Variants in FOCAD observed in about 807,000 individuals in gnomAD.
FOCAD encodes the protein KIAA1797.
Under a neutral mutation model 225.6 loss-of-function variants are expected in FOCAD, and 198 were observed. That is an observed-to-expected ratio of 0.88 (90% confidence interval 0.78 to 0.99). FOCAD has a LOEUF of 0.99. Ranked by LOEUF, FOCAD falls within the 50% of genes least tolerant of loss-of-function variation. FOCAD has a pLI of 0.00. For synonymous variants in FOCAD, 897 were observed against 755.0 expected (o/e 1.19, Z -3.08); for missense variants, 2,713 against 2,123.6 (o/e 1.28, Z -5.46).
chr9:20,925,170 GA>G (rs2132157315), intron 25 of FOCAD, among the ~76,000 whole-genome samples: 1 of 152,280 alleles, frequency 6.6e-6, no homozygotes, highest in Admixed American at 6.5e-5. Flanking sequence ...TTACCGATAA[GA>G]AAGATGGAAA....
chr9:20,916,891 A>G lies in FOCAD; in HGVS notation c.2808-2A>G. The G allele has an allele frequency of 1.9e-6, 3 of 1,601,414 alleles. No individual in the cohort carries two copies. Among genetic ancestry groups the G allele is most frequent in the Non-Finnish European group, 2.6e-6 (3 of 1,175,890 alleles). ...CTCGTCTATTTTCCATCTTTATTGC[A>G]GGGTTAGAGACATGCTGACTGATGA... On this transcript the variant is annotated splice_acceptor_variant, in intron 23 of 43. Transcript: ENST00000338382. LOFTEE classifies it high-confidence loss of function.
intron 28 of FOCAD, among the ~76,000 whole-genome samples, chr9:20,933,537 T>G (rs1835680111): frequency 6.6e-6 from 1 of 152,202 alleles, no homozygotes; most frequent in Non-Finnish European, 1.5e-5. Context: ...TTCATTCCTT[T>G]TTATGGCTGA....
chr9:20,910,307 G>T (rs937790815), intron 22 of FOCAD, among the ~76,000 whole-genome samples: 1 of 140,288 alleles, frequency 7.1e-6, no homozygotes, highest in Non-Finnish European at 1.6e-5. Context: ...TTTGAAAAGG[G>T]CTCTTTGGAA....
intron 16 of FOCAD, among the ~76,000 whole-genome samples, chr9:20,864,120 G>A (rs1047809606): frequency 3.3e-5 from 5 of 152,022 alleles, no homozygotes; most frequent in Non-Finnish European, 5.9e-5. Flanking sequence ...AATGTAGAAG[G>A]GAGAGACCCT....
intron 35 of FOCAD, 101 bp from the exon 36 acceptor site, chr9:20,976,319 C>G: frequency 9.0e-7 from 1 of 1,115,194 alleles, no homozygotes; most frequent in Non-Finnish European, 1.3e-6. Flanking sequence ...TATGTGATAT[C>G]AGATCCTTTG....
intron 2 of FOCAD, chr9:20,716,309 A>C: frequency 4.5e-6 from 1 of 224,558 alleles, no homozygotes; most frequent in Admixed American, 4.2e-5. Flanking sequence ...AGAAATGCCC[A>C]TACGTGTTAC....
At chr9:20,782,002 C>A in intron 10 of FOCAD, 73 bp downstream of exon 10, 1 of 1,309,566 alleles carries the variant, frequency 7.6e-7, no homozygotes, top group Non-Finnish European at 1.1e-6. Flanking sequence ...ATAATCTTGC[C>A]TCCTGATGAA....
At chr9:20,789,873 T>G (rs1025054786) in intron 11 of FOCAD, among the ~76,000 whole-genome samples, 2 of 152,138 alleles carry the variant, frequency 1.3e-5, no homozygotes, top group Non-Finnish European at 2.9e-5. Context: ...TTCTTCCAAT[T>G]TTTTGGTGGA....
At chr9:20,798,358 T>C (rs1821374379) in intron 11 of FOCAD, among the ~76,000 whole-genome samples, 1 of 152,204 alleles carries the variant, frequency 6.6e-6, no homozygotes, top group Admixed American at 6.5e-5. Flanking sequence ...GATGCTGGCC[T>C]CATAAAATGA....
intron 1 of FOCAD, chr9:20,694,531 A>G (rs958990901): frequency 5.3e-5 from 8 of 152,170 alleles, no homozygotes; most frequent in Admixed American, 2.6e-4. Flanking sequence ...CCATCAAGGA[A>G]ATTTCCATCC....
intron 1 of FOCAD, among the ~76,000 whole-genome samples, chr9:20,695,711 A>G (rs1440542078): frequency 6.6e-6 from 1 of 152,210 alleles, no homozygotes; most frequent in Admixed American, 6.5e-5. Context: ...TACTGGTTTC[A>G]GTTTATAATA....
chr9:20,710,606 A>G, intron 1 of FOCAD, among the ~76,000 whole-genome samples: 1 of 152,142 alleles, frequency 6.6e-6, no homozygotes, highest in African/African-American at 2.4e-5. Context: ...CAAAAAAAAA[A>G]AATAATAATA....
intron 25 of FOCAD, among the ~76,000 whole-genome samples, chr9:20,924,404 A>G (rs565154175): frequency 1.3e-5 from 2 of 152,282 alleles, no homozygotes; most frequent in East Asian, 1.9e-4. Flanking sequence ...TATTACTTCC[A>G]CTTACTACCT....
At position 20,929,484 on chromosome 9, in the gene FOCAD, C is replaced by G; in HGVS notation, c.3205C>G (p.Leu1069Val). Residue 1069 changes from leucine to valine, a missense_variant, in exon 27 of 44, where the codon CTG becomes GTG. Leu to Val is a conservative substitution (Grantham distance 32). Transcript: ENST00000338382. ...KEKVEEILNM[L>V]TARLPGKPSA... ...GAAGGTTGAGGAAATCCTGAACATG[C>G]TGACTGCCAGGTTACCTGGGAAACC... The G allele has an allele frequency of 3.1e-6, 5 of 1,614,118 alleles. No individual in the cohort carries two copies. Among genetic ancestry groups the G allele is most frequent in the Non-Finnish European group, 4.2e-6 (5 of 1,180,008 alleles).
chr9:20,684,498 C>T (rs1587211730), intron 1 of FOCAD: 2 of 152,982 alleles, frequency 1.3e-5, no homozygotes, highest in East Asian at 3.8e-4. Flanking sequence ...TTTTTGCCCT[C>T]GTCCGGTCCT....
At chr9:20,942,374 T>C (rs1025123399) in intron 28 of FOCAD, among the ~76,000 whole-genome samples, 2 of 152,208 alleles carry the variant, frequency 1.3e-5, no homozygotes, top group African/African-American at 4.8e-5. Flanking sequence ...AAGCAAGACT[T>C]ACATACTTCC....
chr9:20,948,375 C>G lies in FOCAD; in HGVS notation c.3780C>G (p.Ile1260Met), dbSNP rs184087722. The G allele has an allele frequency of 3.7e-6, 6 of 1,612,072 alleles. No homozygotes were observed. The Admixed American group carries it at 5.0e-5, about 13-fold the overall frequency. ...DLGSKLLPAW[I>M]RIVLTEGTPT... The stretch of plus-strand genomic sequence containing the variant: ...GCAGCAAACTACTCCCTGCCTGGAT[C>G]AGAATTGTTCTAACAGAGGTAGAGG... Residue 1260 changes from isoleucine (I) to methionine (M), a missense_variant, in exon 31 of 44, where the codon ATC (isoleucine) becomes ATG (methionine). Ile to Met is a conservative substitution (Grantham distance 10). Coordinates refer to ENST00000338382, the MANE Select transcript of FOCAD (RefSeq NM_001375567.1).
Position 20,944,714 on chromosome 9 carries a change from G to T in FOCAD, c.3495G>T (p.Leu1165Phe). The change falls in exon 29 of 44, where the codon TTG (leucine) becomes TTT (phenylalanine). Residue 1165 changes from leucine (L) to phenylalanine (F), a missense_variant. Transcript: ENST00000338382. Reference protein sequence around the residue: ...QMQSRVHVAALLRKLSAHVDD... With the variant: ...QMQSRVHVAAFLRKLSAHVDD... ...AGTCCCGCGTTCACGTAGCAGCATT[G>T]CTCCGGAAGCTGTCTGCGCACGTAG... is the stretch of plus-strand genomic sequence containing the variant. 6.2e-7 allele frequency: 1 copy of T among 1,614,068 alleles called. No homozygotes were observed. Among genetic ancestry groups the T allele is most frequent in the Non-Finnish European group, 8.5e-7 (1 of 1,179,966 alleles).
At chr9:20,856,831 C>T (rs1301216436) in intron 15 of FOCAD, among the ~76,000 whole-genome samples, 1 of 152,002 alleles carries the variant, frequency 6.6e-6, no homozygotes, top group Non-Finnish European at 1.5e-5. Flanking sequence ...TTCCCAGACC[C>T]ATTTATTGAA....
Sources: allele counts gnomAD v4.1 joint callset (sites outside exome capture counted in the v4.1 genomes callset), GRCh38; gene constraint gnomAD v4.1.1; transcripts MANE v1.5; gene names NCBI Gene and HGNC (gene_info 2026-07-23, HGNC 2026-07-21).